Variants in ACTL8 observed in about 807,000 individuals in gnomAD.
ACTL8 encodes actin like 8, also known as actin-like protein 8.
ACTL8 carries 3 observed loss-of-function variants against 9.3 expected under a neutral mutation model. The observed-to-expected ratio is 0.32, with a 90% CI of 0.15 to 0.83. The LOEUF is 0.83. Among genes scored for constraint, ACTL8 ranks in the 40% least tolerant of loss-of-function variants. The probability of loss-of-function intolerance (pLI) is 0.57; values close to 1 mark genes in which losing one functional copy is unlikely to be tolerated. For missense variants in ACTL8, 381 were observed against 492.2 expected, an observed-to-expected ratio of 0.77 and a Z score of 2.14; for synonymous variants, 224 against 205.9, an observed-to-expected ratio of 1.09 and a Z score of -0.75.
At chr1:17,786,489 G>A (rs910286246) in intron 1 of ACTL8, among the ~76,000 whole-genome samples, 2 of 152,218 alleles carry the variant, frequency 1.3e-5, no homozygotes, top group Non-Finnish European at 1.5e-5. Context: ...GTTCTGGAGA[G>A]TGAAGGGTGC....
chr1:17,777,952 A>C (rs975234648), intron 1 of ACTL8, among the ~76,000 whole-genome samples: 4 of 151,644 alleles, frequency 2.6e-5, no homozygotes, highest in African/African-American at 9.7e-5. Context: ...CCTGCTTTGG[A>C]CTCCCAAAGT....
intron 1 of ACTL8, among the ~76,000 whole-genome samples, chr1:17,794,077 T>C (rs189307148): frequency 2.4e-4 from 37 of 152,326 alleles, no homozygotes; most frequent in African/African-American, 8.4e-4. Context: ...GCAATCTCTC[T>C]TGCTGACGCC....
intron 1 of ACTL8, among the ~76,000 whole-genome samples, chr1:17,816,011 CAT>C (rs1339280608): frequency 3.3e-5 from 5 of 152,054 alleles, no homozygotes; most frequent in Admixed American, 3.3e-4. Flanking sequence ...TGGGATACAA[CAT>C]GTTATAATTT....
At chr1:17,810,434 C>T (rs2066386274) in intron 1 of ACTL8, among the ~76,000 whole-genome samples, 1 of 152,164 alleles carries the variant, frequency 6.6e-6, no homozygotes. Context: ...TTGAAAACCA[C>T]AACATAGTGA....
At chr1:17,764,731 A>C (rs2066032135) in intron 1 of ACTL8, among the ~76,000 whole-genome samples, 1 of 152,198 alleles carries the variant, frequency 6.6e-6, no homozygotes, top group Non-Finnish European at 1.5e-5. Context: ...CTTTAAAAGA[A>C]ATTCCACTTG....
intron 1 of ACTL8, among the ~76,000 whole-genome samples, chr1:17,793,517 C>T (rs958725350): frequency 7.2e-5 from 11 of 152,104 alleles, no homozygotes; most frequent in South Asian, 4.1e-4. Context: ...CATTATTTTC[C>T]GGCCATTTCC....
chr1:17,779,184 T>C lies in ACTL8; in HGVS notation c.-25+23680T>C, dbSNP rs145461926. On this transcript the variant is annotated intron_variant, in intron 1 of 2. Coordinates refer to ENST00000375406, the MANE Select transcript of ACTL8 (RefSeq NM_030812.3). ...TTTCTCCCCTGGGCATTTGTACCCA[T>C]GGACCCTCTCCCTCCTGGACCCCTC... 1.5e-3 allele frequency among the ~76,000 whole-genome samples: 236 copies of C among 152,274 alleles called. 3 individuals are homozygous for C. The highest frequency in any genetic ancestry group is 5.4e-3 in the African/African-American group (225 of 41,556).
chr1:17,757,015 A>T (rs2065972436), intron 1 of ACTL8, among the ~76,000 whole-genome samples: 1 of 152,142 alleles, frequency 6.6e-6, no homozygotes. Context: ...CTTTAATCCC[A>T]ACACTTTGGG....
chr1:17,762,338 A>G (rs1188591302), intron 1 of ACTL8, among the ~76,000 whole-genome samples: 1 of 152,086 alleles, frequency 6.6e-6, no homozygotes, highest in East Asian at 1.9e-4. Context: ...GCAGAAAGGA[A>G]GGATGGCTAC....
intron 1 of ACTL8, among the ~76,000 whole-genome samples, chr1:17,776,830 C>T (rs928104774): frequency 1.6e-4 from 24 of 152,180 alleles, no homozygotes; most frequent in East Asian, 5.8e-4. Flanking sequence ...GACAGGGTCT[C>T]GCTCTAGCTC....
At chr1:17,787,139 A>G (rs2066203608) in intron 1 of ACTL8, among the ~76,000 whole-genome samples, 1 of 152,164 alleles carries the variant, frequency 6.6e-6, no homozygotes, top group Non-Finnish European at 1.5e-5. Context: ...TAATGATCTC[A>G]TATAGATCTC....
At chr1:17,781,754 C>G (rs116508005) in intron 1 of ACTL8, among the ~76,000 whole-genome samples, 3,172 of 152,292 alleles carry the variant, frequency 0.021, 44 homozygotes, top group Non-Finnish European at 0.03. Context: ...CTGCACACCA[C>G]CTAGATCCAT....
At chr1:17,789,488 G>A (rs577807640) in intron 1 of ACTL8, among the ~76,000 whole-genome samples, 2 of 152,036 alleles carry the variant, frequency 1.3e-5, no homozygotes, top group African/African-American at 4.8e-5. Flanking sequence ...CCACTAGACT[G>A]TAAGCTCTGT....
intron 1 of ACTL8, among the ~76,000 whole-genome samples, chr1:17,809,554 A>G (rs113323695): frequency 0.023 from 3,510 of 152,076 alleles, 128 homozygotes; most frequent in African/African-American, 0.077. Context: ...ATTTACAGCC[A>G]CTCCCCATTG....
intron 1 of ACTL8, among the ~76,000 whole-genome samples, chr1:17,761,280 T>C (rs1303336923): frequency 1.3e-5 from 2 of 151,696 alleles, no homozygotes; most frequent in Non-Finnish European, 2.9e-5. Context: ...CACTGTGGCA[T>C]TTAGAAAGAT....
intron 1 of ACTL8, among the ~76,000 whole-genome samples, chr1:17,798,882 C>T (rs905933761): frequency 3.3e-5 from 5 of 152,228 alleles, no homozygotes; most frequent in Admixed American, 6.5e-5. Context: ...TAACCGACAT[C>T]ACTAGTCTTG....
At chr1:17,796,718 C>T (rs2066280143) in intron 1 of ACTL8, among the ~76,000 whole-genome samples, 1 of 152,226 alleles carries the variant, frequency 6.6e-6, no homozygotes. Flanking sequence ...CACCCGGCTT[C>T]AAAAGCCAGC....
intron 1 of ACTL8, among the ~76,000 whole-genome samples, chr1:17,794,677 A>G (rs1372739747): frequency 6.6e-6 from 1 of 152,100 alleles, no homozygotes. Flanking sequence ...TTCCTACTGT[A>G]TGAAGTTGTA....
At position 17,826,097 on chromosome 1, in the gene ACTL8, A is replaced by G; in HGVS notation, c.679A>G (p.Arg227Gly). Residue 227 changes from arginine to glycine, a missense_variant, in exon 3 of 3, where the codon AGG becomes GGG. Transcript: ENST00000375406. The surrounding 1 kb of genome is among the most constrained non-coding windows in gnomAD (Gnocchi z 4.5). ...GGGGGAGGCCCTGGACTTTCGTGAG[A>G]GGCAGCAGAGTGCCTTGGATGAGAG... Reference protein sequence around the residue: ...NLGEALDFRERQQSALDESNT... With the variant: ...NLGEALDFREGQQSALDESNT... 1 of 1,609,278 alleles carries G rather than the reference A, an allele frequency of 6.2e-7. No individual in the cohort carries two copies.
Sources: gnomAD v4.1 joint callset for allele counts (sites outside exome capture counted in the v4.1 genomes callset) on GRCh38, gnomAD v4.1.1 for gene constraint, Gnocchi (gnomAD v3.1) non-coding constraint, MANE v1.5 for transcripts, NCBI Gene and HGNC (gene_info 2026-07-23, HGNC 2026-07-21) for gene names.